The following CCNY variants were observed in gnomAD, a reference collection of about 807,000 sequenced individuals.
CCNY encodes cyclin-Y.
CCNY carries 19 observed loss-of-function variants against 42.8 expected under a neutral mutation model. The ratio of observed to expected loss-of-function variants is 0.44; its 90% CI spans 0.31 to 0.65. The LOEUF is 0.65. CCNY is among the 30% of genes least tolerant of loss of function. The pLI is 0.07. For synonymous variants in CCNY, 165 were observed against 162.7 expected (o/e 1.01, Z -0.11); for missense variants, 370 against 437.3 (o/e 0.85, Z 1.37).
At chr10:35,406,770 C>T (rs868485556) in intron 1 of CCNY, among the ~76,000 whole-genome samples, 5 of 152,114 alleles carry the variant, frequency 3.3e-5, no homozygotes, top group South Asian at 4.1e-4. Flanking sequence ...GGGTGGTGGC[C>T]GGGCAGAGGG....
At chr10:35,260,191 A>G (rs538329738) in intron 3 of CCNY, among the ~76,000 whole-genome samples, 3 of 152,038 alleles carry the variant, frequency 2.0e-5, no homozygotes, top group Admixed American at 1.3e-4. Context: ...CCTTCCTATC[A>G]TGACCAAGGC....
intron 1 of CCNY, among the ~76,000 whole-genome samples, chr10:35,471,825 T>G (rs1232894662): frequency 6.6e-6 from 1 of 152,226 alleles, no homozygotes; most frequent in Non-Finnish European, 1.5e-5. Flanking sequence ...TGAAGTCAGC[T>G]CAGGGGATTC....
chr10:35,337,240 C>G, intron 1 of CCNY, 33 bp downstream of exon 1: 2 of 1,467,760 alleles, frequency 1.4e-6, no homozygotes, highest in Non-Finnish European at 1.8e-6. Context: ...CCTACCCGCC[C>G]CCGCGGCAAC....
chr10:35,469,958 GGAGAGACAGACAGGGA>G (rs1486081054), intron 1 of CCNY, among the ~76,000 whole-genome samples: 1 of 146,308 alleles, frequency 6.8e-6, no homozygotes, highest in African/African-American at 2.5e-5. Flanking sequence ...ACAGGGAGAT[GGAGAGACAGACAGGGA>G]GATAGGGCAG....
chr10:35,359,906 C>G (rs1053765202), intron 1 of CCNY, among the ~76,000 whole-genome samples: 1 of 152,230 alleles, frequency 6.6e-6, no homozygotes, highest in Admixed American at 6.5e-5. Flanking sequence ...GTAATGTCCT[C>G]AAGGTTTATC....
chr10:35,520,642 G>A (rs907269741), intron 4 of CCNY, among the ~76,000 whole-genome samples: 8 of 152,138 alleles, frequency 5.3e-5, no homozygotes, highest in African/African-American at 1.9e-4. Context: ...AAACGTATTT[G>A]CAAATTCTAG....
At chr10:35,419,137 A>G (rs533628947) in intron 1 of CCNY, among the ~76,000 whole-genome samples, 1 of 152,158 alleles carries the variant, frequency 6.6e-6, no homozygotes, top group Non-Finnish European at 1.5e-5. Context: ...TTTATGTCCT[A>G]TTGTCCTTAT....
At chr10:35,422,170 A>T (rs929344902) in intron 1 of CCNY, among the ~76,000 whole-genome samples, 48 of 152,172 alleles carry the variant, frequency 3.2e-4, no homozygotes, top group African/African-American at 1.2e-3. Context: ...TTCTTTTAAA[A>T]TTTTTTTAAA....
At chr10:35,322,835 G>GC (rs1287657818) in intron 3 of CCNY, among the ~76,000 whole-genome samples, 1 of 152,202 alleles carries the variant, frequency 6.6e-6, no homozygotes, top group Non-Finnish European at 1.5e-5. Context: ...ACTGATAATA[G>GC]CAAGTATTGG....
chr10:35,347,494 T>G, intron 1 of CCNY: 3 of 905,290 alleles, frequency 3.3e-6, no homozygotes, highest in Non-Finnish European at 4.0e-6. Flanking sequence ...GTTTCAAAAC[T>G]GTGAGTGCAG....
chr10:35,270,659 A>G (rs986393115), intron 3 of CCNY, among the ~76,000 whole-genome samples: 4 of 151,910 alleles, frequency 2.6e-5, no homozygotes, highest in Non-Finnish European at 4.4e-5. Context: ...TTGTTGCTCT[A>G]ACTTCAGTGT....
intron 7 of CCNY, among the ~76,000 whole-genome samples, chr10:35,551,678 G>C (rs764531859): frequency 3.3e-5 from 5 of 152,118 alleles, no homozygotes; most frequent in African/African-American, 7.2e-5. Flanking sequence ...TTACCTCGTG[G>C]CCCAACTTAA....
chr10:35,443,750 C>CTA (rs1201265304), intron 1 of CCNY, among the ~76,000 whole-genome samples: 1 of 152,350 alleles, frequency 6.6e-6, no homozygotes, highest in African/African-American at 2.4e-5. Context: ...CCTGGCATAC[C>CTA]TGTACAGGCC....
At chr10:35,449,891 C>A in intron 1 of CCNY, 2 of 720,648 alleles carry the variant, frequency 2.8e-6, no homozygotes, top group Non-Finnish European at 1.7e-6. Flanking sequence ...TCTCGCACCA[C>A]TCAGGGCCTA....
At chr10:35,539,807 T>G (rs1330185260) in intron 7 of CCNY, among the ~76,000 whole-genome samples, 1 of 152,136 alleles carries the variant, frequency 6.6e-6, no homozygotes, top group Non-Finnish European at 1.5e-5. Context: ...AAAAGGAAAT[T>G]TATTCCTAAG....
At chr10:35,276,915 G>A (rs540778526) in intron 3 of CCNY, among the ~76,000 whole-genome samples, 1 of 152,228 alleles carries the variant, frequency 6.6e-6, no homozygotes, top group South Asian at 2.1e-4. Flanking sequence ...AGCCATCTTT[G>A]TGGTGTCTTA....
intron 1 of CCNY, among the ~76,000 whole-genome samples, chr10:35,415,450 T>G (rs1440833552): frequency 6.6e-6 from 1 of 151,720 alleles, no homozygotes; most frequent in African/African-American, 2.4e-5. Flanking sequence ...TTTTTGGGCC[T>G]TGAGAAGATG....
chr10:35,543,601 G>A (rs1322683278), intron 7 of CCNY, among the ~76,000 whole-genome samples: 1 of 151,650 alleles, frequency 6.6e-6, no homozygotes, highest in Admixed American at 6.6e-5. Context: ...GCATGTGCAC[G>A]GTACATATAA....
At chr10:35,420,406 C>T (rs990662796) in intron 1 of CCNY, among the ~76,000 whole-genome samples, 1 of 152,192 alleles carries the variant, frequency 6.6e-6, no homozygotes, top group Admixed American at 6.5e-5. Flanking sequence ...CTCACTTGTG[C>T]CCTCTTGTTT....
Sources: gnomAD v4.1 joint callset for allele counts (sites outside exome capture counted in the v4.1 genomes callset) on GRCh38, gnomAD v4.1.1 for gene constraint, MANE v1.5 for transcripts, NCBI Gene and HGNC (gene_info 2026-07-23, HGNC 2026-07-21) for gene names.